The following GRM7 variants were observed in gnomAD, a reference collection of about 807,000 sequenced individuals.
The protein encoded by GRM7 is metabotropic glutamate receptor 7.
In GRM7, 35 loss-of-function variants were observed where a neutral mutation model predicts 84.5. The ratio of observed to expected loss-of-function variants is 0.41; its 90% CI spans 0.32 to 0.55. The LOEUF (loss-of-function observed/expected upper bound fraction) is 0.55, where lower values mean the gene tolerates loss of function less well. Among genes scored for constraint, GRM7 ranks in the 20% least tolerant of loss-of-function variants. GRM7 has a pLI of 0.19. For synonymous variants in GRM7, 487 were observed against 455.1 expected (o/e 1.07, Z -0.89); for missense variants, 1,003 against 1,194.6 (o/e 0.84, Z 2.36).
At chr3:7,169,655 T>G (rs1694919484) in intron 2 of GRM7, among the ~76,000 whole-genome samples, 1 of 152,202 alleles carries the variant, frequency 6.6e-6, no homozygotes, top group African/African-American at 2.4e-5. Flanking sequence ...GGAGAGAGCT[T>G]CTTTGTTTTC....
chr3:7,260,560 T>A (rs941109177), intron 2 of GRM7, among the ~76,000 whole-genome samples: 6 of 152,176 alleles, frequency 3.9e-5, no homozygotes, highest in African/African-American at 1.4e-4. Context: ...CCCTTTGTTA[T>A]TTCTAATTGT....
intron 1 of GRM7, among the ~76,000 whole-genome samples, chr3:6,908,264 A>G (rs913095219): frequency 5.3e-5 from 8 of 152,202 alleles, no homozygotes; most frequent in African/African-American, 1.7e-4. Flanking sequence ...TTCCAAGACA[A>G]CAATCTGCTT....
intron 1 of GRM7, among the ~76,000 whole-genome samples, chr3:7,146,074 C>T (rs185379122): frequency 6.6e-6 from 1 of 152,322 alleles, no homozygotes; most frequent in East Asian, 1.9e-4. Flanking sequence ...TCTTTATATA[C>T]ACTCCAGCCA....
At chr3:7,230,387 T>G (rs1423902417) in intron 2 of GRM7, among the ~76,000 whole-genome samples, 1 of 152,142 alleles carries the variant, frequency 6.6e-6, no homozygotes, top group African/African-American at 2.4e-5. Context: ...TTTCATCTCA[T>G]CTGTCAAGGT....
At chr3:7,608,206 T>C (rs1575549748) in intron 8 of GRM7, 1 of 153,600 alleles carries the variant, frequency 6.5e-6, no homozygotes, top group South Asian at 1.9e-4. Context: ...CGTACATGTG[T>C]CTTTATGGTA....
chr3:6,902,281 T>G (rs192196436), intron 1 of GRM7, among the ~76,000 whole-genome samples: 3 of 152,296 alleles, frequency 2.0e-5, no homozygotes, highest in African/African-American at 7.2e-5. Flanking sequence ...TTGCACAATT[T>G]TTTAAAATGA....
At chr3:7,171,014 TC>T (rs1434685997) in intron 2 of GRM7, among the ~76,000 whole-genome samples, 2 of 152,172 alleles carry the variant, frequency 1.3e-5, no homozygotes, top group Non-Finnish European at 2.9e-5. Flanking sequence ...AGGTTAATTC[TC>T]AGCTCAGTTT....
At chr3:7,456,140 T>G (rs1697999370) in intron 6 of GRM7, among the ~76,000 whole-genome samples, 1 of 152,084 alleles carries the variant, frequency 6.6e-6, no homozygotes, top group Admixed American at 6.6e-5. Flanking sequence ...ATATTTCATT[T>G]GCTGAGGTCA....
At chr3:7,645,458 A>G (rs1019270517) in intron 8 of GRM7, among the ~76,000 whole-genome samples, 1 of 150,338 alleles carries the variant, frequency 6.7e-6, no homozygotes, top group African/African-American at 2.5e-5. Flanking sequence ...AAGGCATGAG[A>G]ATCACTTGAA....
chr3:7,505,408 T>C (rs909407191), intron 7 of GRM7, among the ~76,000 whole-genome samples: 4 of 152,198 alleles, frequency 2.6e-5, no homozygotes, highest in Non-Finnish European at 5.9e-5. Flanking sequence ...TAGAGGGAGC[T>C]CTTAGCAGCA....
intron 1 of GRM7, among the ~76,000 whole-genome samples, chr3:6,959,781 A>T (rs572987525): frequency 6.6e-6 from 1 of 152,228 alleles, no homozygotes; most frequent in Admixed American, 6.5e-5. Flanking sequence ...GCCCATAATC[A>T]TGCAGACTCT....
chr3:7,318,333 G>C (rs1233646792), intron 4 of GRM7, among the ~76,000 whole-genome samples: 1 of 152,038 alleles, frequency 6.6e-6, no homozygotes, highest in African/African-American at 2.4e-5. Flanking sequence ...GCAAGCAGTA[G>C]ATCATGCCAG....
At chr3:7,729,939 A>G (rs1454567066) in intron 9 of GRM7, among the ~76,000 whole-genome samples, 1 of 140,254 alleles carries the variant, frequency 7.1e-6, no homozygotes, top group East Asian at 2.1e-4. Context: ...CAGTGGCACG[A>G]TCTCAGCTCA....
At chr3:7,580,708 T>TA (rs1695208678) in intron 8 of GRM7, among the ~76,000 whole-genome samples, 1 of 152,184 alleles carries the variant, frequency 6.6e-6, no homozygotes, top group Non-Finnish European at 1.5e-5. Flanking sequence ...GTTTTAGTCA[T>TA]AAAGTATTTT....
intron 2 of GRM7, among the ~76,000 whole-genome samples, chr3:7,288,239 A>G (rs1178041125): frequency 3.9e-5 from 6 of 152,118 alleles, no homozygotes; most frequent in Admixed American, 3.9e-4. Context: ...GCACTAATTC[A>G]CCACATGAAA....
chr3:7,623,640 T>C (rs1697467959), intron 8 of GRM7, among the ~76,000 whole-genome samples: 1 of 152,118 alleles, frequency 6.6e-6, no homozygotes, highest in Admixed American at 6.6e-5. Flanking sequence ...ACCATCTGTC[T>C]TGAAGCATCT....
At chr3:7,599,409 T>C (rs991980666) in intron 8 of GRM7, among the ~76,000 whole-genome samples, 1 of 152,146 alleles carries the variant, frequency 6.6e-6, no homozygotes, top group Non-Finnish European at 1.5e-5. Context: ...GATGATATAT[T>C]GTGGAAATAT....
In GRM7 at chr3:6,949,702, G is replaced by A. The variant is rs146908191; in HGVS notation, c.519+87795G>A. 3.2e-3 allele frequency among the ~76,000 whole-genome samples: 493 copies of A among 152,146 alleles called. 5 individuals are homozygous for A. The highest frequency in any genetic ancestry group is 9.4e-3 in the African/African-American group (391 of 41,498). ...TCACTTTCAGGTACACCAATCAGAC[G>A]TAGATTTGGTCTTTTCACATAGTCC... is the stretch of plus-strand genomic sequence containing the variant. On this transcript the variant is annotated intron_variant, in intron 1 of 9. Coordinates refer to ENST00000357716, the MANE Select transcript of GRM7 (RefSeq NM_000844.4).
chr3:7,209,127 T>G (rs1304001816), intron 2 of GRM7, among the ~76,000 whole-genome samples: 1 of 152,200 alleles, frequency 6.6e-6, no homozygotes, highest in Non-Finnish European at 1.5e-5. Context: ...CAAAGCCTAT[T>G]GTAAAATAAA....
Sources: gnomAD v4.1 joint callset for allele counts (sites outside exome capture counted in the v4.1 genomes callset) on GRCh38, gnomAD v4.1.1 for gene constraint, MANE v1.5 for transcripts, NCBI Gene and HGNC (gene_info 2026-07-23, HGNC 2026-07-21) for gene names.